Variants in ZFR observed in about 807,000 individuals in gnomAD.
The protein encoded by ZFR is zinc finger RNA-binding protein.
A neutral mutation model predicts 130.7 loss-of-function variants in ZFR; 19 were observed. That is an observed-to-expected ratio of 0.15 (90% CI 0.10 to 0.21). ZFR has a LOEUF of 0.21. Ranked by LOEUF, ZFR falls within the 10% of genes least tolerant of loss-of-function variation. The pLI, the probability that ZFR is intolerant of heterozygous loss-of-function variation, is 1.00. For synonymous variants in ZFR, 466 were observed against 456.9 expected, an observed-to-expected ratio of 1.02 and a Z score of -0.25; for missense variants, 872 against 1,321.5, an observed-to-expected ratio of 0.66 and a Z score of 5.27.
intron 17 of ZFR, among the ~76,000 whole-genome samples, chr5:32,377,252 G>A (rs1464727915): frequency 6.8e-6 from 1 of 146,076 alleles, no homozygotes. Context: ...TCTTTCTTTC[G>A]AGACAGAATC....
At chr5:32,379,924 C>G (rs905606377) in intron 16 of ZFR, 151 bp downstream of exon 16, 2 of 572,148 alleles carry the variant, frequency 3.5e-6, no homozygotes, top group Non-Finnish European at 5.9e-6. Context: ...ATCATCATAC[C>G]CAGCTTTCTA....
intron 17 of ZFR, among the ~76,000 whole-genome samples, chr5:32,371,604 C>T (rs1240563394): frequency 6.6e-6 from 1 of 151,962 alleles, no homozygotes; most frequent in Non-Finnish European, 1.5e-5. Flanking sequence ...ACATTATAAG[C>T]AGTTTCAGAA....
At chr5:32,369,754 G>A (rs1481167171) in intron 17 of ZFR, among the ~76,000 whole-genome samples, 1 of 152,150 alleles carries the variant, frequency 6.6e-6, no homozygotes, top group African/African-American at 2.4e-5. Context: ...CGAGGCTGCA[G>A]TGAGTCATGA....
intron 1 of ZFR, 118 bp from the exon 2 acceptor site, chr5:32,444,446 G>T: frequency 7.7e-7 from 1 of 1,302,468 alleles, no homozygotes; most frequent in Non-Finnish European, 1.0e-6. Flanking sequence ...CCCTGGCGGG[G>T]CCCAGGCCGC....
At chr5:32,431,159 A>G (rs940445124) in intron 2 of ZFR, among the ~76,000 whole-genome samples, 6 of 152,246 alleles carry the variant, frequency 3.9e-5, no homozygotes, top group Non-Finnish European at 7.3e-5. Flanking sequence ...AAGAATAAAA[A>G]TGATCTCAGA....
intron 4 of ZFR, 109 bp from the exon 5 acceptor site, chr5:32,415,296 A>C (rs1753795133): frequency 1.1e-6 from 1 of 950,212 alleles, no homozygotes; most frequent in East Asian, 2.5e-5. Context: ...ATTAACTATA[A>C]ATTTTATGCC....
intron 19 of ZFR, among the ~76,000 whole-genome samples, chr5:32,362,371 G>T (rs1339052359): frequency 6.6e-6 from 1 of 152,182 alleles, no homozygotes; most frequent in Non-Finnish European, 1.5e-5. Flanking sequence ...AATAAAGGTA[G>T]ACACTGTGGA....
intron 2 of ZFR, among the ~76,000 whole-genome samples, chr5:32,427,779 G>C (rs80085290): frequency 0.017 from 2,589 of 152,204 alleles, 38 homozygotes; most frequent in Non-Finnish European, 0.026. Flanking sequence ...CAGACATATA[G>C]ACCAATGAAA....
intron 2 of ZFR, among the ~76,000 whole-genome samples, chr5:32,431,205 G>A (rs570045008): frequency 4.6e-5 from 7 of 152,194 alleles, no homozygotes; most frequent in Non-Finnish European, 1.0e-4. Context: ...TGGTAAATAT[G>A]AAGGTAAACT....
rs1416516685 is a variant in ZFR at position 32,385,592 on chromosome 5, A to G, written c.2557T>C (p.Leu853=). 1 of 1,613,430 alleles carries G rather than the reference A, an allele frequency of 6.2e-7. No homozygotes were observed. Among genetic ancestry groups the G allele is most frequent in the Non-Finnish European group, 8.5e-7 (1 of 1,179,602 alleles). Reference sequence around the variant, plus strand: ...ATTTTGGGTTCCACACATGAATTCAAAATTATTGCCGCTTCAGATACAGCA... The same window carrying G: ...ATTTTGGGTTCCACACATGAATTCAGAATTATTGCCGCTTCAGATACAGCA... ...KCAVSEAAII[L]NSCVEPKMQV... Residue 853 remains leucine (L), a synonymous_variant, in exon 15 of 20, where the codon TTG becomes CTG. Coordinates refer to ENST00000265069, the MANE Select transcript of ZFR (RefSeq NM_016107.5).
chr5:32,403,063 C>T (rs1273086218), intron 8 of ZFR, 43 bp downstream of exon 8: 3 of 1,579,166 alleles, frequency 1.9e-6, no homozygotes, highest in East Asian at 2.2e-5. Context: ...GAAGAAACAA[C>T]ACTTTGACAG....
At chr5:32,411,979 TAGTAATAACAAAAAAAGAA>T (rs537064117) in intron 5 of ZFR, among the ~76,000 whole-genome samples, 69 of 152,010 alleles carry the variant, frequency 4.5e-4, no homozygotes, top group Non-Finnish European at 8.7e-4. Flanking sequence ...AGTAAGTTCA[TAGTAATAACAAAAAAAGAA>T]GTGGAAGGAG....
intron 8 of ZFR, among the ~76,000 whole-genome samples, chr5:32,401,289 T>G (rs529405676): frequency 6.4e-4 from 97 of 152,330 alleles, no homozygotes; most frequent in African/African-American, 2.3e-3. Context: ...CTTTCAAGTG[T>G]CCAATTTATG....
intron 3 of ZFR, 34 bp from the exon 4 acceptor site, chr5:32,417,826 G>T: frequency 6.2e-7 from 1 of 1,604,034 alleles, no homozygotes; most frequent in South Asian, 1.1e-5. Flanking sequence ...ATCTTGCTAT[G>T]AGACAAGTGG....
intron 2 of ZFR, among the ~76,000 whole-genome samples, chr5:32,429,501 G>T: frequency 6.6e-6 from 1 of 152,128 alleles, no homozygotes; most frequent in East Asian, 1.9e-4. Flanking sequence ...TCTTCCCCTA[G>T]GTTTGGACTC....
At chr5:32,371,061 C>T (rs952072582) in intron 17 of ZFR, among the ~76,000 whole-genome samples, 3 of 152,154 alleles carry the variant, frequency 2.0e-5, no homozygotes, top group Non-Finnish European at 2.9e-5. Flanking sequence ...TCTCTTGCCT[C>T]CAAAACATGA....
chr5:32,366,508 C>A (rs75991098), intron 17 of ZFR, among the ~76,000 whole-genome samples: 1 of 152,030 alleles, frequency 6.6e-6, no homozygotes, highest in Middle Eastern at 3.2e-3. Flanking sequence ...TTATGGAACA[C>A]AAAAAAGTCA....
intron 2 of ZFR, among the ~76,000 whole-genome samples, chr5:32,432,133 A>G (rs1224229895): frequency 6.6e-6 from 1 of 152,054 alleles, no homozygotes; most frequent in African/African-American, 2.4e-5. Context: ...CTGGGACCAC[A>G]GAAACCTGCC....
At chr5:32,360,471 A>C (rs974656297) in intron 19 of ZFR, among the ~76,000 whole-genome samples, 4 of 152,326 alleles carry the variant, frequency 2.6e-5, no homozygotes, top group African/African-American at 9.6e-5. Flanking sequence ...AAAGTTTTTA[A>C]GGTTCATTCA....
Sources: allele counts gnomAD v4.1 joint callset (sites outside exome capture counted in the v4.1 genomes callset), GRCh38; gene constraint gnomAD v4.1.1; transcripts MANE v1.5; gene names NCBI Gene and HGNC (gene_info 2026-07-23, HGNC 2026-07-21).